The following DHFR2 variants were observed in gnomAD, a reference collection of about 807,000 sequenced individuals.
The protein encoded by DHFR2 is dihydrofolate reductase 2, mitochondrial.
A neutral mutation model predicts 12.0 loss-of-function variants in DHFR2; 11 were observed. That is an observed-to-expected ratio of 0.92 (90% confidence interval 0.58 to 1.52). DHFR2 has a LOEUF of 1.52. DHFR2 is among the 40% of genes most tolerant of loss of function. The pLI is 0.00. For missense variants in DHFR2, 188 were observed against 221.2 expected (o/e 0.85, Z 0.95); for synonymous variants, 87 against 79.6 (o/e 1.09, Z -0.49).
chr3:94,061,703 AATTTATAAAAT>A (rs1452170632), intron 1 of DHFR2, 97 bp from the exon 2 acceptor site: 37 of 705,816 alleles, frequency 5.2e-5, no homozygotes, highest in African/African-American at 1.8e-4. Context: ...ATAAAGTATA[AATTTATAAAAT>A]ATTTATAAAA....
upstream of DHFR2, chr3:94,063,154 C>T (rs200722600): frequency 5.0e-6 from 8 of 1,613,604 alleles, no homozygotes; most frequent in East Asian, 4.5e-5. Context: ...ACCTGGGGCC[C>T]GGCTGGGTAC....
chr3:94,060,872 G>C lies in DHFR2; in HGVS notation c.*76C>G. On this transcript the variant is annotated 3_prime_UTR_variant, in exon 2 of 2. Transcript: ENST00000314636. ...ATCCATAGATCTGAAGTCAACAAAA[G>C]TCCCTTTTCTAATGTAAAAATGCAT... The C allele has an allele frequency of 6.7e-7, 1 of 1,493,362 alleles. No individual in the cohort carries two copies. Among genetic ancestry groups the C allele is most frequent in the Non-Finnish European group, 9.1e-7 (1 of 1,101,600 alleles). 92.5% of individuals were successfully genotyped at this position (1,493,362 alleles called of 1,614,324 possible). A position where few individuals can be genotyped will look rare whatever the true frequency, so the allele number is the denominator to read the frequency against.
intron 1 of DHFR2, among the ~76,000 whole-genome samples, chr3:94,061,914 T>C (rs1486529034): frequency 1.3e-5 from 2 of 152,012 alleles, no homozygotes; most frequent in African/African-American, 2.4e-5. Context: ...AATAAATAAA[T>C]ATATTAAGCT....
Position 94,062,176 on chromosome 3 carries a change from G to A in DHFR2, c.-96+570C>T, listed in dbSNP as rs577911704. On this transcript the variant is annotated intron_variant, in intron 1 of 1. Transcript: ENST00000314636. ...AGGTGTAATAAACATCTTCCTTGGAGAACCATTAAACATTGCTCCCTTGTA... is the reference window on the plus strand; with the variant it reads ...AGGTGTAATAAACATCTTCCTTGGAAAACCATTAAACATTGCTCCCTTGTA... Among the ~76,000 whole-genome samples, 25 of 152,294 alleles carry A rather than the reference G, an allele frequency of 1.6e-4. 2 individuals carry two copies. Among genetic ancestry groups the A allele is most frequent in the Middle Eastern group, 6.8e-3 (2 of 294 alleles).
rs1560025331 is a variant in DHFR2 at position 94,060,130 on chromosome 3, A to G, written c.*818T>C. ...GAATTGCTTTAAGTGTTTGGCATTCACCGTTCCCGTACATTACAGCAGCTT... is the reference window on the plus strand; with the variant it reads ...GAATTGCTTTAAGTGTTTGGCATTCGCCGTTCCCGTACATTACAGCAGCTT... On this transcript the variant is annotated 3_prime_UTR_variant, in exon 2 of 2. Coordinates refer to ENST00000314636, the MANE Select transcript of DHFR2 (RefSeq NM_176815.5). 2 of 152,078 alleles carry G rather than the reference A, an allele frequency of 1.3e-5. No homozygotes were observed. Among genetic ancestry groups the G allele is most frequent in the Non-Finnish European group, 2.9e-5 (2 of 68,040 alleles). 9.4% of individuals were successfully genotyped at this position (152,078 alleles called of 1,614,324 possible). A position where few individuals can be genotyped will look rare whatever the true frequency, so the allele number is the denominator to read the frequency against.
In DHFR2 at chr3:94,061,128, G is replaced by T. The variant is rs755937886; in HGVS notation, c.384C>A (p.His128Gln). 1 of 1,613,742 alleles carries T rather than the reference G, an allele frequency of 6.2e-7. No individual in the cohort carries two copies. Among genetic ancestry groups the T allele is most frequent in the Non-Finnish European group, 8.5e-7 (1 of 1,179,846 alleles). The change falls in exon 2 of 2, where the codon CAC (histidine) becomes CAA (glutamine). Residue 128 changes from histidine (H) to glutamine (Q), a missense_variant. Transcript: ENST00000314636. ...GSSVYKEAMN[H>Q]LGHLKLFVTR... ...TCACAAATAGTTTAAGATGGCCTAGGTGATTCATGGCTTCCTTATAAACAG... is the reference window on the plus strand; with the variant it reads ...TCACAAATAGTTTAAGATGGCCTAGTTGATTCATGGCTTCCTTATAAACAG...
At chr3:94,062,576 C>T (rs1183224518) in intron 1 of DHFR2, among the ~76,000 whole-genome samples, 170 bp downstream of exon 1, 1 of 152,180 alleles carries the variant, frequency 6.6e-6, no homozygotes, top group East Asian at 1.9e-4. Context: ...CAACATAACC[C>T]CAAAACTCAT....
chr3:94,061,029 A>G lies in DHFR2; in HGVS notation c.483T>C (p.Pro161=). The G allele has an allele frequency of 6.2e-7, 1 of 1,613,942 alleles. No homozygotes were observed. The highest frequency in any genetic ancestry group is 8.5e-7 in the Non-Finnish European group (1 of 1,179,858). Residue 161 remains proline (P), a synonymous_variant, in exon 2 of 2, where the codon CCT becomes CCC. Coordinates refer to ENST00000314636, the MANE Select transcript of DHFR2 (RefSeq NM_176815.5). ...CATCAGAGAGAACACCTGGGTATTC[A>G]GGCAGAAGTTTATATTTCTCCAAGT... is the stretch of plus-strand genomic sequence containing the variant. The part of the protein sequence containing the change: ...EIDLEKYKLL[P]EYPGVLSDVQ...
At chr3:94,061,628 A>ACTGTATTAATTAATTGCAACATT in intron 1 of DHFR2, 22 bp from the exon 2 acceptor site, 2 of 1,485,542 alleles carry the variant, frequency 1.3e-6, no homozygotes, top group Non-Finnish European at 1.8e-6. Context: ...ATACAATACC[A>ACTGTATTAATTAATTGCAACATT]CTGTATTAAT....
In DHFR2 at chr3:94,058,732, G is replaced by GTTTTTTTTTT. The variant is rs1221588717; in HGVS notation, c.*2206_*2215dup. ...CAACCCTTCCCCCTTGTTTTTTTTT[G>GTTTTTTTTTT]TTTTTTTTTTTTTTTACTTTTGCTT... On this transcript the variant is annotated 3_prime_UTR_variant, in exon 2 of 2. Coordinates refer to ENST00000314636, the MANE Select transcript of DHFR2 (RefSeq NM_176815.5). The GTTTTTTTTTT allele has an allele frequency of 7.1e-5, 9 of 126,752 alleles. No homozygotes were observed. The highest frequency in any genetic ancestry group is 4.6e-4 in the East Asian group (2 of 4,312). The allele number at this position is 126,752 out of a possible 1,614,324, so 7.9% of individuals were successfully genotyped here. A position where few individuals can be genotyped will look rare whatever the true frequency, so the allele number is the denominator to read the frequency against.
rs2077155336 is a variant in DHFR2, at chr3:94,058,540, T to C, written c.*2408A>G. On this transcript the variant is annotated 3_prime_UTR_variant, in exon 2 of 2. Coordinates refer to ENST00000314636, the MANE Select transcript of DHFR2 (RefSeq NM_176815.5). Reference sequence around the variant, plus strand: ...TCTTACACCATCACTATCTTCACTTTTCCCCCCATATTGTCCCAAAGTAGT... The same window carrying C: ...TCTTACACCATCACTATCTTCACTTCTCCCCCCATATTGTCCCAAAGTAGT... The C allele has an allele frequency of 6.6e-6, 1 of 152,386 alleles. No homozygotes were observed. The highest frequency in any genetic ancestry group is 1.5e-5 in the Non-Finnish European group (1 of 68,178). The allele number at this position is 152,386 out of a possible 1,614,324, so 9.4% of individuals were successfully genotyped here.
At chr3:94,063,252 C>G, upstream of DHFR2, 2 of 1,045,068 alleles carry the variant, frequency 1.9e-6, no homozygotes, top group Non-Finnish European at 3.0e-6. Flanking sequence ...TTCGTCCCCT[C>G]GCGAGATCAG....
At position 94,060,694 on chromosome 3, in the gene DHFR2, C is replaced by A; in HGVS notation, c.*254G>T. The stretch of plus-strand genomic sequence containing the variant: ...ATGTCAAGGAGTGGCAAGAGTGCCA[C>A]ATGTGATGGGTGTGGAATGGCAGCT... On this transcript the variant is annotated 3_prime_UTR_variant, in exon 2 of 2. Coordinates refer to ENST00000314636, the MANE Select transcript of DHFR2 (RefSeq NM_176815.5). 1.9e-6 allele frequency: 1 copy of A among 513,934 alleles called. No homozygotes were observed. Among genetic ancestry groups the A allele is most frequent in the Admixed American group, 3.6e-5 (1 of 27,886 alleles). 31.8% of individuals were successfully genotyped at this position (513,934 alleles called of 1,614,324 possible). A position where few individuals can be genotyped will look rare whatever the true frequency, so the allele number is the denominator to read the frequency against.
In DHFR2 at chr3:94,059,068, A is replaced by G. The variant is rs113165014; in HGVS notation, c.*1880T>C. ...TCATTTTGCTGGAGTATTTTCTCCG[A>G]TAGCTTCCCAAGAAAGGGTACATGT... On this transcript the variant is annotated 3_prime_UTR_variant, in exon 2 of 2. Transcript: ENST00000314636. The G allele has an allele frequency of 3.2e-3, 488 of 152,374 alleles. 1 individual carries two copies. The highest frequency in any genetic ancestry group is 0.02 in the Middle Eastern group (6 of 294). 9.4% of individuals were successfully genotyped at this position (152,374 alleles called of 1,614,324 possible).
chr3:94,060,675 A>G lies in DHFR2; in HGVS notation c.*273T>C. On this transcript the variant is annotated 3_prime_UTR_variant, in exon 2 of 2. Transcript: ENST00000314636. ...ACATTAGAAAAGCCTGACAATGTCA[A>G]GGAGTGGCAAGAGTGCCACATGTGA... 1 of 472,896 alleles carries G rather than the reference A, an allele frequency of 2.1e-6. No homozygotes were observed. Among genetic ancestry groups the G allele is most frequent in the Non-Finnish European group, 3.8e-6 (1 of 266,092 alleles). The allele number at this position is 472,896 out of a possible 1,614,324, so 29.3% of individuals were successfully genotyped here.
In DHFR2 at chr3:94,060,242, G is replaced by A. The variant is rs1197908733; in HGVS notation, c.*706C>T. The A allele has an allele frequency of 2.6e-5, 4 of 152,254 alleles. No individual in the cohort carries two copies. Among genetic ancestry groups the A allele is most frequent in the African/African-American group, 9.7e-5 (4 of 41,406 alleles). The allele number at this position is 152,254 out of a possible 1,614,324, so 9.4% of individuals were successfully genotyped here. A position where few individuals can be genotyped will look rare whatever the true frequency, so the allele number is the denominator to read the frequency against. ...GACAGGGAGCTGACAACCAAGGAGTGGGGGTTAAATACTCTAGCTTTCTCC... is the reference window on the plus strand; with the variant it reads ...GACAGGGAGCTGACAACCAAGGAGTAGGGGTTAAATACTCTAGCTTTCTCC... On this transcript the variant is annotated 3_prime_UTR_variant, in exon 2 of 2. Coordinates refer to ENST00000314636, the MANE Select transcript of DHFR2 (RefSeq NM_176815.5).
At chr3:94,063,183 C>T, upstream of DHFR2, 1 of 1,608,806 alleles carries the variant, frequency 6.2e-7, no homozygotes, top group South Asian at 1.1e-5. Flanking sequence ...GAATGAGACG[C>T]TTCTGGACGC....
chr3:94,060,957 C>T lies in DHFR2; in HGVS notation c.555G>A (p.Lys185=), dbSNP rs141897370. The part of the protein sequence containing the change: ...HIKYKFEVCE[K]DD ...AGAAAACACCTTCATATTAATCATC[C>T]TTCTCACATACTTCAAATTTGTACT... is the stretch of plus-strand genomic sequence containing the variant. Residue 185 remains lysine (K), a synonymous_variant, in exon 2 of 2, where the codon AAG becomes AAA. Transcript: ENST00000314636. 2,408 of 1,613,152 alleles carry T rather than the reference C, an allele frequency of 1.5e-3. 1 individual carries two copies. Among genetic ancestry groups the T allele is most frequent in the Non-Finnish European group, 1.9e-3 (2,251 of 1,179,404 alleles).
chr3:94,062,833 CAA>C lies in DHFR2; in HGVS notation c.-185_-184del, dbSNP rs756180449. On this transcript the variant is annotated 5_prime_UTR_variant, in exon 1 of 2. Transcript: ENST00000314636. The stretch of plus-strand genomic sequence containing the variant: ...CCGCCCAAAGCTACGCCGACCAATC[CAA>C]GTAGCGAAAGTCGCTTTGGCCCTGG... 1 of 425,498 alleles carries C rather than the reference CAA, an allele frequency of 2.4e-6. No individual in the cohort carries two copies. The highest frequency in any genetic ancestry group is 4.3e-6 in the Non-Finnish European group (1 of 231,876). The allele number at this position is 425,498 out of a possible 1,614,324, so 26.4% of individuals were successfully genotyped here.
Sources: allele counts gnomAD v4.1 joint callset (sites outside exome capture counted in the v4.1 genomes callset), GRCh38; gene constraint gnomAD v4.1.1; transcripts MANE v1.5; gene names NCBI Gene and HGNC (gene_info 2026-07-23, HGNC 2026-07-21).